TMEM135: variants seen among roughly 807,000 people sequenced by gnomAD.
TMEM135 encodes transmembrane protein 135, also known as peroxisomal membrane protein 52.
A neutral mutation model predicts 60.3 loss-of-function variants in TMEM135; 30 were observed. The ratio of observed to expected loss-of-function variants is 0.50; its 90% confidence interval spans 0.37 to 0.68. The LOEUF (loss-of-function observed/expected upper bound fraction) is 0.68, where lower values mean the gene tolerates loss of function less well. Ranked by LOEUF, TMEM135 falls within the 30% of genes least tolerant of loss-of-function variation. The pLI is 0.00. For synonymous variants in TMEM135, 190 were observed against 186.7 expected, an observed-to-expected ratio of 1.02 and a Z score of -0.14; for missense variants, 468 against 548.8, an observed-to-expected ratio of 0.85 and a Z score of 1.47.
intron 5 of TMEM135, among the ~76,000 whole-genome samples, chr11:87,233,722 A>G (rs189166017): frequency 3.3e-5 from 5 of 152,090 alleles, no homozygotes; most frequent in African/African-American, 1.2e-4. Flanking sequence ...TATCCTATCT[A>G]GCAGGTACAG....
intron 5 of TMEM135, among the ~76,000 whole-genome samples, chr11:87,224,177 A>T (rs986017797): frequency 6.6e-6 from 1 of 152,164 alleles, no homozygotes; most frequent in African/African-American, 2.4e-5. Context: ...TAAAGAGATT[A>T]TATGTCCTAC....
intron 4 of TMEM135, among the ~76,000 whole-genome samples, chr11:87,103,052 A>C (rs1038994117): frequency 6.6e-6 from 1 of 152,010 alleles, no homozygotes; most frequent in Non-Finnish European, 1.5e-5. Context: ...TGCCTGGCTT[A>C]TTTTAACTTA....
At chr11:87,265,053 G>A (rs1941722919) in intron 6 of TMEM135, among the ~76,000 whole-genome samples, 1 of 151,974 alleles carries the variant, frequency 6.6e-6, no homozygotes, top group South Asian at 2.1e-4. Flanking sequence ...GAAGAAATTG[G>A]AATGTTACTC....
At position 87,325,660 on chromosome 11, in the gene TMEM135, A is replaced by T. The variant is rs7936013; in HGVS notation, c.*4327A>T. On this transcript the variant is annotated 3_prime_UTR_variant, in exon 15 of 15. Coordinates refer to ENST00000305494, the MANE Select transcript of TMEM135 (RefSeq NM_022918.4). ...TCAAGTGAGAGGCTCTGGAGTGATC[A>T]TAACGGTGATAACAATGGAGTAAAC... The T allele has an allele frequency of 5.9e-4, 266 of 453,738 alleles. No individual in the cohort carries two copies. Among genetic ancestry groups the T allele is most frequent in the South Asian group, 4.0e-3 (258 of 64,462 alleles). The allele number at this position is 453,738 out of a possible 1,614,324, so 28.1% of individuals were successfully genotyped here. A position where few individuals can be genotyped will look rare whatever the true frequency, so the allele number is the denominator to read the frequency against.
chr11:87,201,056 C>CT (rs1380176391), intron 5 of TMEM135, among the ~76,000 whole-genome samples: 1 of 152,080 alleles, frequency 6.6e-6, no homozygotes, highest in East Asian at 1.9e-4. Flanking sequence ...TGTTAGCACT[C>CT]TTTTTTATTT....
intron 4 of TMEM135, among the ~76,000 whole-genome samples, chr11:87,107,547 G>A (rs1355124851): frequency 6.6e-6 from 1 of 151,980 alleles, no homozygotes; most frequent in East Asian, 1.9e-4. Context: ...AGCTTGCTCA[G>A]AGGGATGGTT....
In TMEM135 at chr11:87,154,620, A is replaced by G. The variant is rs112015849; in HGVS notation, c.397-2721A>G. On this transcript the variant is annotated intron_variant, in intron 4 of 14. Transcript: ENST00000305494. Reference sequence around the variant, plus strand: ...AGTGTACAAGGGTTCCAATTTCTCCACATCCTTCTCAACACTTGATATCTT... The same window carrying G: ...AGTGTACAAGGGTTCCAATTTCTCCGCATCCTTCTCAACACTTGATATCTT... Among the ~76,000 whole-genome samples, 491 of 152,252 alleles carry G rather than the reference A, an allele frequency of 3.2e-3. 6 individuals are homozygous for G. Among genetic ancestry groups the G allele is most frequent in the African/African-American group, 0.011 (469 of 41,538 alleles).
intron 5 of TMEM135, among the ~76,000 whole-genome samples, chr11:87,169,575 G>C (rs1282231332): frequency 1.3e-5 from 2 of 152,020 alleles, no homozygotes; most frequent in Non-Finnish European, 2.9e-5. Flanking sequence ...TAGTTTGGTT[G>C]GATATAAAAT....
chr11:87,287,786 C>G (rs974486842), intron 6 of TMEM135, among the ~76,000 whole-genome samples: 1 of 152,200 alleles, frequency 6.6e-6, no homozygotes, highest in Admixed American at 6.5e-5. Flanking sequence ...AAATTTCAGC[C>G]TAAATCATTT....
At chr11:87,045,987 T>A (rs1949792040) in intron 1 of TMEM135, among the ~76,000 whole-genome samples, 1 of 152,220 alleles carries the variant, frequency 6.6e-6, no homozygotes, top group African/African-American at 2.4e-5. Context: ...ACTTCTTACA[T>A]TGAGTTTATA....
chr11:87,206,446 T>C (rs1319766017), intron 5 of TMEM135, among the ~76,000 whole-genome samples: 1 of 152,160 alleles, frequency 6.6e-6, no homozygotes, highest in South Asian at 2.1e-4. Context: ...TGTTGTTTTT[T>C]TCCTCCTATT....
chr11:87,285,201 A>C (rs1325857767), intron 6 of TMEM135, among the ~76,000 whole-genome samples: 1 of 152,244 alleles, frequency 6.6e-6, no homozygotes, highest in East Asian at 1.9e-4. Context: ...GTTAGTACTA[A>C]GGTAAGCTCT....
chr11:87,231,971 A>G (rs1252426980), intron 5 of TMEM135, among the ~76,000 whole-genome samples: 7 of 145,562 alleles, frequency 4.8e-5, no homozygotes, highest in African/African-American at 1.5e-4. Context: ...TTTTTTTTTG[A>G]GACAGAGTCT....
At chr11:87,182,641 T>C (rs182086835) in intron 5 of TMEM135, among the ~76,000 whole-genome samples, 4 of 152,318 alleles carry the variant, frequency 2.6e-5, no homozygotes, top group East Asian at 3.9e-4. Context: ...TTTCATTTAC[T>C]ACTTTTTATT....
intron 1 of TMEM135, among the ~76,000 whole-genome samples, chr11:87,039,165 G>C (rs927356535): frequency 5.9e-5 from 9 of 152,186 alleles, no homozygotes; most frequent in African/African-American, 2.2e-4. Context: ...GTTCCTGAAA[G>C]TGTGTCATGG....
chr11:87,197,696 C>CT (rs1939993186), intron 5 of TMEM135, among the ~76,000 whole-genome samples: 1 of 151,710 alleles, frequency 6.6e-6, no homozygotes, highest in South Asian at 2.1e-4. Context: ...TGGCATGAGT[C>CT]TAAGTTTAAA....
At chr11:87,269,794 G>A (rs1227852765) in intron 6 of TMEM135, among the ~76,000 whole-genome samples, 29 of 150,504 alleles carry the variant, frequency 1.9e-4, no homozygotes, top group African/African-American at 5.9e-4. Context: ...GAATAGTGCC[G>A]CAATAAACAT....
At chr11:87,236,054 A>G (rs1325997340) in intron 5 of TMEM135, among the ~76,000 whole-genome samples, 1 of 151,912 alleles carries the variant, frequency 6.6e-6, no homozygotes, top group African/African-American at 2.4e-5. Context: ...CACTGAACTG[A>G]TTATACAAAA....
chr11:87,203,144 A>G (rs1940158358), intron 5 of TMEM135, among the ~76,000 whole-genome samples: 1 of 151,074 alleles, frequency 6.6e-6, no homozygotes, highest in African/African-American at 2.4e-5. Flanking sequence ...ACCCTCCCCC[A>G]TTATTAACAT....
Sources: allele counts gnomAD v4.1 joint callset (sites outside exome capture counted in the v4.1 genomes callset), GRCh38; gene constraint gnomAD v4.1.1; transcripts MANE v1.5; gene names NCBI Gene and HGNC (gene_info 2026-07-23, HGNC 2026-07-21).